The following RAB3A variants were observed in gnomAD, a reference collection of about 807,000 sequenced individuals.
RAB3A encodes the protein RAB3A, member RAS oncogene family.
A neutral mutation model predicts 19.7 loss-of-function variants in RAB3A; 5 were observed. That is an observed-to-expected ratio of 0.25 (90% CI 0.13 to 0.53). The LOEUF (loss-of-function observed/expected upper bound fraction) is 0.53, where lower values mean the gene tolerates loss of function less well. Ranked by LOEUF, RAB3A falls within the 20% of genes least tolerant of loss-of-function variation. RAB3A has a pLI of 0.95. For synonymous variants in RAB3A, 119 were observed against 122.1 expected (o/e 0.97, Z 0.17); for missense variants, 189 against 305.6 (o/e 0.62, Z 2.85).
intron 1 of RAB3A, among the ~76,000 whole-genome samples, chr19:18,203,611 C>CCACGCG (rs752825335): frequency 2.0e-5 from 3 of 152,262 alleles, no homozygotes; most frequent in East Asian, 1.9e-4. Context: ...CGTGTGCACA[C>CCACGCG]CACGCGCACG....
rs1411824191 is a variant in RAB3A, at chr19:18,202,059, C to A, written c.228+454G>T. The stretch of plus-strand genomic sequence containing the variant: ...ACCAGCCTGGGCAGACATAGCCCGA[C>A]CCTGTCTCTACAAAAAAGAAAAAAA... On this transcript the variant is annotated intron_variant, in intron 2 of 4. Coordinates refer to ENST00000222256, the MANE Select transcript of RAB3A (RefSeq NM_002866.5). The surrounding 1 kb of genome is among the most constrained non-coding windows in gnomAD (Gnocchi z 4.2). Among the ~76,000 whole-genome samples the A allele has an allele frequency of 2.6e-5, 4 of 152,156 alleles. No individual in the cohort carries two copies. The highest frequency in any genetic ancestry group is 2.0e-4 in the Admixed American group (3 of 15,278).
rs1967535272 is a variant in RAB3A at position 18,196,997 on chromosome 19, C to G, written c.*473G>C. On this transcript the variant is annotated 3_prime_UTR_variant, in exon 5 of 5. Transcript: ENST00000222256. Reference sequence around the variant, plus strand: ...GGAGAGGAGCCTGGCAGGCCAGACTCTGATCCCCATGGTCCACACAGGGAA... The same window carrying G: ...GGAGAGGAGCCTGGCAGGCCAGACTGTGATCCCCATGGTCCACACAGGGAA... The G allele has an allele frequency of 5.9e-6, 1 of 169,634 alleles. No individual in the cohort carries two copies. The highest frequency in any genetic ancestry group is 5.6e-5 in the Admixed American group (1 of 17,878). The allele number at this position is 169,634 out of a possible 1,614,324, so 10.5% of individuals were successfully genotyped here.
chr19:18,200,622 TATTCCACAGAGTC>T (rs1417211880), intron 2 of RAB3A, among the ~76,000 whole-genome samples, 177 bp from the exon 3 acceptor site: 12 of 151,992 alleles, frequency 7.9e-5, no homozygotes, highest in Non-Finnish European at 2.9e-5. Flanking sequence ...AGTGCTCCAT[TATTCCACAGAGTC>T]ATTCACCAAA....
At chr19:18,200,664 G>A (rs1375755324) in intron 2 of RAB3A, among the ~76,000 whole-genome samples, 1 of 152,190 alleles carries the variant, frequency 6.6e-6, no homozygotes, top group Non-Finnish European at 1.5e-5. Context: ...GCCAGGTGCT[G>A]TGGCTCACAC....
intron 4 of RAB3A, among the ~76,000 whole-genome samples, chr19:18,197,873 CTTTT>C (rs56264905): frequency 2.0e-4 from 18 of 90,158 alleles, no homozygotes; most frequent in South Asian, 3.4e-4. Flanking sequence ...GCATTTCCTG[CTTTT>C]TTTTTTTTTT....
intron 3 of RAB3A, among the ~76,000 whole-genome samples, 183 bp downstream of exon 3, chr19:18,200,144 G>A (rs759624623): frequency 2.0e-5 from 3 of 152,082 alleles, no homozygotes; most frequent in Non-Finnish European, 4.4e-5. Context: ...TTAGCCAGGT[G>A]TGGTGGTATA....
rs1475304834 is a variant in RAB3A, at chr19:18,202,308, G to A, written c.228+205C>T. On this transcript the variant is annotated intron_variant, in intron 2 of 4. Coordinates refer to ENST00000222256, the MANE Select transcript of RAB3A (RefSeq NM_002866.5). This position sits in a 1 kb window ranked among gnomAD's most constrained non-coding sequence, Gnocchi z 4.2. ...CTCATACATGGAAGAACTTGAAGAT[G>A]GGGAAACTGAGGGACCAGGATTAGG... 3.7e-6 allele frequency: 2 copies of A among 546,620 alleles called. No homozygotes were observed. Among genetic ancestry groups the A allele is most frequent in the Non-Finnish European group, 6.6e-6 (2 of 304,306 alleles). The allele number at this position is 546,620 out of a possible 1,614,324, so 33.9% of individuals were successfully genotyped here.
chr19:18,197,150 T>G lies in RAB3A; in HGVS notation c.*320A>C, dbSNP rs1249036687. ...CCTCTTCACAACTGACAACTGTGGATGGGGGTGAATTTTAAAAAAAGGCGG... is the reference window on the plus strand; with the variant it reads ...CCTCTTCACAACTGACAACTGTGGAGGGGGGTGAATTTTAAAAAAAGGCGG... On this transcript the variant is annotated 3_prime_UTR_variant, in exon 5 of 5. Coordinates refer to ENST00000222256, the MANE Select transcript of RAB3A (RefSeq NM_002866.5). The G allele has an allele frequency of 1.1e-3, 221 of 193,962 alleles. No homozygotes were observed. Among genetic ancestry groups the G allele is most frequent in the East Asian group, 1.8e-3 (20 of 10,884 alleles). The allele number at this position is 193,962 out of a possible 1,614,324, so 12.0% of individuals were successfully genotyped here.
At chr19:18,201,263 A>AAAAGAAAGAAAGAAAGAAAG (rs71164380) in intron 2 of RAB3A, among the ~76,000 whole-genome samples, 10 of 121,764 alleles carry the variant, frequency 8.2e-5, no homozygotes, top group Admixed American at 2.7e-4. Context: ...AAAAAAAAAA[A>AAAAGAAAGAAAGAAAGAAAG]AAAGAAAGAA....
At chr19:18,203,570 A>C (rs1967643645) in intron 1 of RAB3A, among the ~76,000 whole-genome samples, 1 of 152,188 alleles carries the variant, frequency 6.6e-6, no homozygotes, top group African/African-American at 2.4e-5. Context: ...GGGTGCACAC[A>C]GACCCGCTGA....
chr19:18,201,096 G>C (rs778261907), intron 2 of RAB3A, among the ~76,000 whole-genome samples: 1 of 151,412 alleles, frequency 6.6e-6, no homozygotes, highest in Non-Finnish European at 1.5e-5. Flanking sequence ...TTAGCTCGGC[G>C]TGGTGGCATG....
chr19:18,199,540 T>G (rs1356526472), intron 3 of RAB3A, among the ~76,000 whole-genome samples: 1 of 151,662 alleles, frequency 6.6e-6, no homozygotes, highest in Non-Finnish European at 1.5e-5. Context: ...TCCTTTTTTT[T>G]TTGAGACAGA....
chr19:18,201,050 C>A (rs967354349), intron 2 of RAB3A, among the ~76,000 whole-genome samples: 2 of 151,530 alleles, frequency 1.3e-5, no homozygotes, highest in Non-Finnish European at 2.9e-5. Flanking sequence ...GCCTGGCCAA[C>A]ATGGTGAAAC....
chr19:18,199,768 C>T (rs995516125), intron 3 of RAB3A, among the ~76,000 whole-genome samples: 1 of 151,976 alleles, frequency 6.6e-6, no homozygotes, highest in Non-Finnish European at 1.5e-5. Flanking sequence ...AGGTGATCCA[C>T]CTGCCTCAGC....
In RAB3A at chr19:18,197,591, T is replaced by C. The variant is rs1967548550; in HGVS notation, c.542A>G (p.Asp181Gly). ...CTCGGACATCTTCTCGCAGATGACA[T>C]CCACCAGGCGCTCAAAGGTCTGCTT... ...NVKQTFERLVDVICEKMSESL... is the reference protein window; with the variant it reads ...NVKQTFERLVGVICEKMSESL... Residue 181 changes from aspartate to glycine, a missense_variant, in exon 5 of 5, where the codon GAT becomes GGT. Physicochemically the swap from Asp to Gly is moderately conservative, Grantham distance 94. Transcript: ENST00000222256. 6.2e-7 allele frequency: 1 copy of C among 1,614,060 alleles called. No homozygotes were observed. The highest frequency in any genetic ancestry group is 2.2e-5 in the East Asian group (1 of 44,870).
At position 18,202,827 on chromosome 19, in the gene RAB3A, C is replaced by T. The variant is rs1600033919; in HGVS notation, c.1-87G>A. The T allele has an allele frequency of 1.9e-6, 2 of 1,049,142 alleles. No homozygotes were observed. Among genetic ancestry groups the T allele is most frequent in the Non-Finnish European group, 2.9e-6 (2 of 686,598 alleles). 65.0% of individuals were successfully genotyped at this position (1,049,142 alleles called of 1,614,324 possible). ...CCCAGGCAGAAGATGGCAAGGGCTC[C>T]AGAAAACGGCCGGTGTATGGAGGAC... is the stretch of plus-strand genomic sequence containing the variant. On this transcript the variant is annotated intron_variant, in intron 1 of 4. Transcript: ENST00000222256. The surrounding 1 kb of genome is among the most constrained non-coding windows in gnomAD (Gnocchi z 4.2).
Position 18,202,825 on chromosome 19 carries a change from T to C in RAB3A, c.1-85A>G. 1 of 1,098,056 alleles carries C rather than the reference T, an allele frequency of 9.1e-7. No individual in the cohort carries two copies. The allele number at this position is 1,098,056 out of a possible 1,614,324, so 68.0% of individuals were successfully genotyped here. ...AGCCCAGGCAGAAGATGGCAAGGGC[T>C]CCAGAAAACGGCCGGTGTATGGAGG... On this transcript the variant is annotated intron_variant, in intron 1 of 4. Transcript: ENST00000222256. This position sits in a 1 kb window ranked among gnomAD's most constrained non-coding sequence, Gnocchi z 4.2.
chr19:18,202,355 G>T lies in RAB3A; in HGVS notation c.228+158C>A. The T allele has an allele frequency of 1.6e-6, 1 of 629,498 alleles. No homozygotes were observed. The allele number at this position is 629,498 out of a possible 1,614,324, so 39.0% of individuals were successfully genotyped here. A position where few individuals can be genotyped will look rare whatever the true frequency, so the allele number is the denominator to read the frequency against. On this transcript the variant is annotated intron_variant, in intron 2 of 4. Coordinates refer to ENST00000222256, the MANE Select transcript of RAB3A (RefSeq NM_002866.5). The surrounding 1 kb of genome is among the most constrained non-coding windows in gnomAD (Gnocchi z 4.2). ...TAGGTGCTTATGGGAGAACACAGGT[G>T]CTGTTTCTGCCCCGGTACACAGTGG...
In RAB3A at chr19:18,197,545, A is replaced by T. The variant is rs1435683320; in HGVS notation, c.588T>A (p.Pro196=). The T allele has an allele frequency of 1.2e-6, 2 of 1,613,792 alleles. No individual in the cohort carries two copies. The highest frequency in any genetic ancestry group is 1.7e-6 in the Non-Finnish European group (2 of 1,179,978). Residue 196 remains proline (P), a synonymous_variant, in exon 5 of 5, where the codon CCT becomes CCA. Coordinates refer to ENST00000222256, the MANE Select transcript of RAB3A (RefSeq NM_002866.5). ...GGCCCTGCTTGGCGCCTGTGACCGC[A>T]GGGTCCGCCGTGTCCAACGACTCGG... ...KMSESLDTAD[P]AVTGAKQGPQ...
Sources: gnomAD v4.1 joint callset for allele counts (sites outside exome capture counted in the v4.1 genomes callset) on GRCh38, gnomAD v4.1.1 for gene constraint, Gnocchi (gnomAD v3.1) non-coding constraint, MANE v1.5 for transcripts, NCBI Gene and HGNC (gene_info 2026-07-23, HGNC 2026-07-21) for gene names.